Variants in ATP10B observed in about 807,000 individuals in gnomAD.
The protein encoded by ATP10B is ATPase phospholipid transporting 10B (putative).
Under a neutral mutation model 141.2 loss-of-function variants are expected in ATP10B, and 122 were observed. That is an observed-to-expected ratio of 0.86 (90% confidence interval 0.75 to 1.00). The LOEUF is 1.00. Among genes scored for constraint, ATP10B ranks in the 50% least tolerant of loss-of-function variants. ATP10B has a pLI of 0.00. For synonymous variants in ATP10B, 685 were observed against 692.0 expected (o/e 0.99, Z 0.16); for missense variants, 1,876 against 1,825.3 (o/e 1.03, Z -0.51).
intron 17 of ATP10B, among the ~76,000 whole-genome samples, chr5:160,613,301 G>A (rs1274802159): frequency 6.6e-6 from 1 of 152,172 alleles, no homozygotes; most frequent in Non-Finnish European, 1.5e-5. Context: ...ATCAGTGTGT[G>A]TGAAGTCCCA....
rs538385079 is a variant in ATP10B, at chr5:160,652,924, A to G, written c.676-3668T>C. Among the ~76,000 whole-genome samples, 402 of 82,270 alleles carry G rather than the reference A, an allele frequency of 4.9e-3. 23 individuals carry two copies. The highest frequency in any genetic ancestry group is 0.02 in the African/African-American group (362 of 17,772). The allele number at this position is 82,270 out of a possible 152,430, so 54.0% of individuals were successfully genotyped here. ...TATTATATATACATGTATATATAAT[A>G]TATTATATATACATGTATATATAAT... On this transcript the variant is annotated intron_variant, in intron 7 of 25. Coordinates refer to ENST00000327245, the MANE Select transcript of ATP10B (RefSeq NM_025153.3).
chr5:160,922,069 CAT>C, the ATP10B span, among the ~76,000 whole-genome samples: 51 of 152,238 alleles, frequency 3.4e-4, no homozygotes, highest in African/African-American at 1.0e-3. Flanking sequence ...TAGAAAATGA[CAT>C]ATTTTCATGC....
chr5:160,858,796 A>C, the ATP10B span, among the ~76,000 whole-genome samples: 1 of 151,850 alleles, frequency 6.6e-6, no homozygotes, highest in African/African-American at 2.4e-5. Context: ...AACTTATTAC[A>C]ATCTATAGTT....
chr5:160,638,918 C>G (rs1314454973), intron 10 of ATP10B, among the ~76,000 whole-genome samples: 1 of 152,114 alleles, frequency 6.6e-6, no homozygotes, highest in African/African-American at 2.4e-5. Flanking sequence ...CTCTGAGGAT[C>G]AACTTAAAGG....
chr5:160,764,800 A>G (rs1289881728), intron 2 of ATP10B, among the ~76,000 whole-genome samples: 2 of 152,008 alleles, frequency 1.3e-5, no homozygotes. Context: ...ATAATCACAT[A>G]CCTAGAAAAC....
rs1763736116 is a variant in ATP10B at position 160,686,129 on chromosome 5, T to A, written c.420A>T (p.Arg140Ser). The change falls in exon 6 of 26, where the codon AGA (arginine) becomes AGT (serine). Residue 140 changes from arginine (R) to serine (S), a missense_variant. Transcript: ENST00000327245. Reference protein sequence around the residue: ...MIKDGMEDFKRHRFDKAINCS... With the variant: ...MIKDGMEDFKSHRFDKAINCS... ...AGTTTATTGCTTTATCAAAGCGGTGTCTCTTGAAGTCCTCCATGCCATCCT... is the reference window on the plus strand; with the variant it reads ...AGTTTATTGCTTTATCAAAGCGGTGACTCTTGAAGTCCTCCATGCCATCCT... 6.2e-7 allele frequency: 1 copy of A among 1,605,278 alleles called. No individual in the cohort carries two copies.
At chr5:160,754,232 C>T (rs953994534) in intron 2 of ATP10B, among the ~76,000 whole-genome samples, 3 of 152,138 alleles carry the variant, frequency 2.0e-5, no homozygotes, top group East Asian at 3.8e-4. Context: ...CAAGAAACAT[C>T]GTTGTCATCT....
chr5:160,732,283 G>T (rs1008980487), intron 2 of ATP10B, among the ~76,000 whole-genome samples: 1 of 152,190 alleles, frequency 6.6e-6, no homozygotes, highest in Non-Finnish European at 1.5e-5. Context: ...ACAGAGGAAA[G>T]AGTTAGTAAA....
intron 25 of ATP10B, among the ~76,000 whole-genome samples, chr5:160,567,113 A>G (rs1754594462): frequency 6.6e-6 from 1 of 152,178 alleles, no homozygotes; most frequent in South Asian, 2.1e-4. Context: ...TTTCCTTAGT[A>G]TAAACCTTTT....
At chr5:160,585,823 T>G (rs1403017487) in intron 24 of ATP10B, among the ~76,000 whole-genome samples, 1 of 152,184 alleles carries the variant, frequency 6.6e-6, no homozygotes, top group Admixed American at 6.5e-5. Context: ...CCTTCTCTTC[T>G]TCTTCCCTTC....
intron 1 of ATP10B, among the ~76,000 whole-genome samples, chr5:160,829,253 A>G (rs1774882863): frequency 6.6e-6 from 1 of 151,982 alleles, no homozygotes; most frequent in Admixed American, 6.6e-5. Context: ...CTTATCAAAA[A>G]TTAGATGGTT....
At chr5:160,915,327 G>A in the ATP10B span, among the ~76,000 whole-genome samples, 1 of 151,208 alleles carries the variant, frequency 6.6e-6, no homozygotes, top group Admixed American at 6.6e-5. Flanking sequence ...TCTCCCTGAA[G>A]CACACTGACT....
At chr5:160,644,822 T>A (rs536587644) in intron 8 of ATP10B, among the ~76,000 whole-genome samples, 1 of 152,262 alleles carries the variant, frequency 6.6e-6, no homozygotes, top group African/African-American at 2.4e-5. Flanking sequence ...CCCATAAAAA[T>A]GGGCAACCAG....
chr5:160,716,381 G>T (rs950384439), intron 3 of ATP10B, among the ~76,000 whole-genome samples: 1 of 152,122 alleles, frequency 6.6e-6, no homozygotes, highest in Non-Finnish European at 1.5e-5. Flanking sequence ...GTGATGGGGG[G>T]TACTATTAGC....
At chr5:160,873,497 G>C in the ATP10B span, among the ~76,000 whole-genome samples, 1 of 152,226 alleles carries the variant, frequency 6.6e-6, no homozygotes. Context: ...AAATCTTTAA[G>C]AATAGACAAA....
intron 1 of ATP10B, among the ~76,000 whole-genome samples, chr5:160,822,667 G>A (rs1388370821): frequency 6.6e-6 from 1 of 151,906 alleles, no homozygotes; most frequent in Non-Finnish European, 1.5e-5. Flanking sequence ...ACATAATATA[G>A]TATTCTTCAG....
chr5:160,754,877 T>C (rs1271650692), intron 2 of ATP10B, among the ~76,000 whole-genome samples: 1 of 152,170 alleles, frequency 6.6e-6, no homozygotes, highest in Non-Finnish European at 1.5e-5. Flanking sequence ...GTGTCACCTT[T>C]TATTTATTTC....
the ATP10B span, among the ~76,000 whole-genome samples, chr5:160,862,418 C>A: frequency 6.6e-6 from 1 of 151,928 alleles, no homozygotes; most frequent in Non-Finnish European, 1.5e-5. Context: ...TTCACACTTA[C>A]CTGGCCAGTC....
intron 1 of ATP10B, among the ~76,000 whole-genome samples, chr5:160,802,833 GCTT>G (rs1214300672): frequency 6.6e-6 from 1 of 152,130 alleles, no homozygotes; most frequent in Non-Finnish European, 1.5e-5. Flanking sequence ...CTTTTGTCTG[GCTT>G]CTTCTCATCT....
Sources: allele counts gnomAD v4.1 joint callset (sites outside exome capture counted in the v4.1 genomes callset), GRCh38; gene constraint gnomAD v4.1.1; transcripts MANE v1.5; gene names NCBI Gene and HGNC (gene_info 2026-07-23, HGNC 2026-07-21).